Variants in COG7 observed in about 807,000 individuals in gnomAD.
The protein encoded by COG7 is conserved oligomeric Golgi complex subunit 7.
A neutral mutation model predicts 91.5 loss-of-function variants in COG7; 49 were observed. That is an observed-to-expected ratio of 0.54 (90% CI 0.43 to 0.68). The LOEUF (loss-of-function observed/expected upper bound fraction) is 0.68, where lower values mean the gene tolerates loss of function less well. COG7 is among the 30% of genes least tolerant of loss of function. The pLI, the probability that COG7 is intolerant of heterozygous loss-of-function variation, is 0.00. For missense variants in COG7, 895 were observed against 961.3 expected (o/e 0.93, Z 0.91); for synonymous variants, 365 against 388.7 (o/e 0.94, Z 0.72).
chr16:23,416,686 TTTC>T (rs1206032403), intron 9 of COG7: 10 of 477,272 alleles, frequency 2.1e-5, no homozygotes, highest in Non-Finnish European at 3.8e-5. Context: ...TTGTCTAAGG[TTTC>T]TTTTTTTTTC....
intron 3 of COG7, among the ~76,000 whole-genome samples, 188 bp downstream of exon 3, chr16:23,444,858 TTC>T (rs1964156639): frequency 6.6e-6 from 1 of 152,056 alleles, no homozygotes; most frequent in African/African-American, 2.4e-5. Flanking sequence ...ACTAAGAGGC[TTC>T]AGTCACACAG....
intron 4 of COG7, among the ~76,000 whole-genome samples, chr16:23,435,890 CTTA>C (rs920535522): frequency 1.5e-4 from 23 of 152,276 alleles, no homozygotes; most frequent in African/African-American, 5.1e-4. Context: ...CTTTAAAATG[CTTA>C]TTATTTTCAT....
intron 12 of COG7, among the ~76,000 whole-genome samples, chr16:23,404,350 T>A (rs186680314): frequency 6.6e-6 from 1 of 152,226 alleles, no homozygotes; most frequent in East Asian, 1.9e-4. Flanking sequence ...AGATGGAAAG[T>A]GTAACCTTAG....
intron 13 of COG7, 127 bp downstream of exon 13, chr16:23,403,567 C>T (rs1963411502): frequency 5.8e-6 from 7 of 1,214,676 alleles, no homozygotes; most frequent in Admixed American, 1.8e-5. Context: ...TGGCTCTTTC[C>T]GGCTTGGGAA....
At chr16:23,395,113 G>A (rs1567327788) in intron 14 of COG7, among the ~76,000 whole-genome samples, 2 of 152,054 alleles carry the variant, frequency 1.3e-5, no homozygotes, top group Non-Finnish European at 2.9e-5. Context: ...CTGGACTGGC[G>A]TCCCTTTATA....
rs1963819515 is a variant in COG7, at chr16:23,424,859, T to C, written c.899A>G (p.Asn300Ser). ...LMPSLPSCLS[N>S]GVERAGPEQE... ...CTCGGGCCCTGCCCTCTCCACGCCGTTGCTGAGGCAGGAGGGCAGCGAGGG... is the reference window on the plus strand; with the variant it reads ...CTCGGGCCCTGCCCTCTCCACGCCGCTGCTGAGGCAGGAGGGCAGCGAGGG... The change falls in exon 7 of 17, where the codon AAC (asparagine) becomes AGC (serine). Residue 300 changes from asparagine (N) to serine (S), a missense_variant. Transcript: ENST00000307149. The C allele has an allele frequency of 6.2e-7, 1 of 1,614,076 alleles. No individual in the cohort carries two copies. Among genetic ancestry groups the C allele is most frequent in the African/African-American group, 1.3e-5 (1 of 74,948 alleles).
At chr16:23,444,978 T>C in intron 3 of COG7, 70 bp downstream of exon 3, 6 of 1,157,300 alleles carry the variant, frequency 5.2e-6, no homozygotes, top group Non-Finnish European at 7.9e-6. Context: ...TTTGTATCTC[T>C]TTTGCTTTCT....
intron 1 of COG7, among the ~76,000 whole-genome samples, chr16:23,449,603 T>C (rs1964235048): frequency 6.6e-6 from 1 of 150,942 alleles, no homozygotes; most frequent in African/African-American, 2.4e-5. Context: ...TAGCCAGGCA[T>C]GGTGGCGCAT....
In COG7 at chr16:23,452,951, T is replaced by A; in HGVS notation, c.44A>T (p.Glu15Val). Residue 15 changes from glutamate to valine, a missense_variant, in exon 1 of 17, where the codon GAG (glutamate) becomes GTG (valine). Transcript: ENST00000307149. ...KFLADDFDVK[E>V]WINAAFRAGS... ...GGCCCTGAAGGCCGCATTGATCCAC[T>A]CCTTCACGTCGAAGTCGTCTGCCAG... The A allele has an allele frequency of 6.2e-7, 1 of 1,614,052 alleles. No homozygotes were observed. Among genetic ancestry groups the A allele is most frequent in the Non-Finnish European group, 8.5e-7 (1 of 1,179,948 alleles).
At chr16:23,419,576 C>G (rs565962351) in intron 7 of COG7, among the ~76,000 whole-genome samples, 1 of 150,090 alleles carries the variant, frequency 6.7e-6, no homozygotes, top group Non-Finnish European at 1.5e-5. Flanking sequence ...TGGTGAAACC[C>G]GATCTCTACT....
chr16:23,442,932 G>A (rs1475099706), intron 3 of COG7, among the ~76,000 whole-genome samples: 1 of 151,888 alleles, frequency 6.6e-6, no homozygotes, highest in African/African-American at 2.4e-5. Context: ...TACCCAGGAA[G>A]CTAAGGCAGG....
rs915265983 is a variant in COG7, at chr16:23,432,397, G to T, written c.810+1148C>A. Among the ~76,000 whole-genome samples the T allele has an allele frequency of 2.0e-5, 3 of 151,944 alleles. No individual in the cohort carries two copies. The South Asian group carries it at 6.2e-4, about 32-fold the overall frequency. On this transcript the variant is annotated intron_variant, in intron 6 of 16. Coordinates refer to ENST00000307149, the MANE Select transcript of COG7 (RefSeq NM_153603.4). ...CCACTCGTAGATGACCTGCTTCTAG[G>T]TTGGGGTTTCGTACATAGCAGAGCA...
intron 9 of COG7, chr16:23,415,915 T>C (rs1268170752): frequency 6.6e-6 from 1 of 152,242 alleles, no homozygotes; most frequent in African/African-American, 2.4e-5. Context: ...TTTATAAGCA[T>C]CAGCTATTTT....
chr16:23,447,515 A>G (rs980371886), intron 1 of COG7, among the ~76,000 whole-genome samples: 6 of 151,796 alleles, frequency 4.0e-5, no homozygotes, highest in African/African-American at 1.2e-4. Context: ...CTGGCCTTAA[A>G]ATCAAACTCT....
chr16:23,449,285 C>A (rs898115838), intron 1 of COG7, among the ~76,000 whole-genome samples: 2 of 151,560 alleles, frequency 1.3e-5, no homozygotes, highest in African/African-American at 4.9e-5. Flanking sequence ...ATGGTGTAAA[C>A]CCTGGAGGCA....
intron 6 of COG7, among the ~76,000 whole-genome samples, chr16:23,432,547 C>G (rs1963951007): frequency 6.6e-6 from 1 of 152,098 alleles, no homozygotes; most frequent in Non-Finnish European, 1.5e-5. Context: ...ATAAGCCACA[C>G]TAGAAACAGG....
intron 11 of COG7, among the ~76,000 whole-genome samples, chr16:23,408,953 G>C (rs1017539796): frequency 1.3e-5 from 2 of 151,752 alleles, no homozygotes; most frequent in Non-Finnish European, 2.9e-5. Flanking sequence ...GAACAGCCTG[G>C]GTGTATCCAA....
At chr16:23,428,188 CA>C (rs1196479267) in intron 6 of COG7, among the ~76,000 whole-genome samples, 22 of 141,038 alleles carry the variant, frequency 1.6e-4, no homozygotes, top group Admixed American at 2.9e-4. Flanking sequence ...ACTAAAAATA[CA>C]AAAAAAAAAA....
intron 1 of COG7, among the ~76,000 whole-genome samples, chr16:23,448,883 A>G (rs1488632324): frequency 1.3e-5 from 2 of 152,212 alleles, no homozygotes; most frequent in Admixed American, 6.6e-5. Flanking sequence ...ACCTCTAAGG[A>G]TAACTGTCAG....
Sources: allele counts gnomAD v4.1 joint callset (sites outside exome capture counted in the v4.1 genomes callset), GRCh38; gene constraint gnomAD v4.1.1; transcripts MANE v1.5; gene names NCBI Gene and HGNC (gene_info 2026-07-23, HGNC 2026-07-21).